The following ATG7 variants were observed in gnomAD, a reference collection of about 807,000 sequenced individuals.
The protein encoded by ATG7 is ubiquitin-like modifier-activating enzyme ATG7.
A neutral mutation model predicts 82.4 loss-of-function variants in ATG7; 70 were observed. That is an observed-to-expected ratio of 0.85 (90% CI 0.70 to 1.04). The LOEUF (loss-of-function observed/expected upper bound fraction) is 1.04. ATG7 is among the 50% of genes least tolerant of loss of function. The pLI, the probability that ATG7 is intolerant of heterozygous loss-of-function variation, is 0.00. For missense variants in ATG7, 792 were observed against 864.3 expected (o/e 0.92, Z 1.05); for synonymous variants, 287 against 313.0 (o/e 0.92, Z 0.88).
rs374089372 is a variant in ATG7 at position 11,381,746 on chromosome 3, A to G, written c.1956+1694A>G. Among the ~76,000 whole-genome samples the G allele has an allele frequency of 2.3e-4, 35 of 152,340 alleles. 1 individual carries two copies. The South Asian group carries it at 5.8e-3, about 25-fold the overall frequency. Reference sequence around the variant, plus strand: ...TGACTTGGATTTTAACAGCTGTGCTATTCCCATAGCGGTCACTTTTCATGT... The same window carrying G: ...TGACTTGGATTTTAACAGCTGTGCTGTTCCCATAGCGGTCACTTTTCATGT... On this transcript the variant is annotated intron_variant, in intron 19 of 20. Coordinates refer to ENST00000693202, the MANE Select transcript of ATG7 (RefSeq NM_001349232.2).
At position 11,327,312 on chromosome 3, in the gene ATG7, A is replaced by AT. The variant is rs571846481; in HGVS notation, c.679-4025dup. Among the ~76,000 whole-genome samples, 23 of 152,350 alleles carry AT rather than the reference A, an allele frequency of 1.5e-4. No homozygotes were observed. The South Asian group carries it at 4.8e-3, about 32-fold the overall frequency. On this transcript the variant is annotated intron_variant, in intron 9 of 20. Transcript: ENST00000693202. ...TATTTTAATTTTTCTACAGTCAGGAATTTCTTACAATTGTGTATATTTATG... is the reference window on the plus strand; with the variant it reads ...TATTTTAATTTTTCTACAGTCAGGAATTTTCTTACAATTGTGTATATTTATG...
intron 19 of ATG7, among the ~76,000 whole-genome samples, chr3:11,388,121 C>G (rs1036018980): frequency 6.6e-6 from 1 of 152,124 alleles, no homozygotes; most frequent in Non-Finnish European, 1.5e-5. Context: ...ATGAGAGTTG[C>G]AACCAGTCCC....
Position 11,333,020 on chromosome 3 carries a change from C to T in ATG7, c.816C>T (p.Thr272=). ...AAGTTGTTTGCTTCCGTGACCGTAC[C>T]ATGCAGGGGGCGAGAGACGTTGCCC... ...SVEVVCFRDR[T]MQGARDVAHS... The change falls in exon 11 of 21, where the codon ACC becomes ACT. Residue 272 remains threonine (T), a synonymous_variant. Transcript: ENST00000693202. The T allele has an allele frequency of 6.3e-7, 1 of 1,575,148 alleles. No individual in the cohort carries two copies. Among genetic ancestry groups the T allele is most frequent in the Non-Finnish European group, 8.6e-7 (1 of 1,159,900 alleles).
intron 19 of ATG7, among the ~76,000 whole-genome samples, chr3:11,403,505 A>G (rs991272157): frequency 2.0e-5 from 3 of 152,222 alleles, no homozygotes; most frequent in Non-Finnish European, 4.4e-5. Flanking sequence ...ATGAAAAGAC[A>G]TCATTTAAGA....
At chr3:11,379,798 C>A (rs2077738070) in intron 18 of ATG7, among the ~76,000 whole-genome samples, 174 bp from the exon 19 acceptor site, 1 of 152,206 alleles carries the variant, frequency 6.6e-6, no homozygotes, top group Non-Finnish European at 1.5e-5. Context: ...AGTTCTTCTG[C>A]AAACTGATTA....
intron 3 of ATG7, among the ~76,000 whole-genome samples, chr3:11,294,017 C>CAAAAAA (rs148344958): frequency 2.0e-5 from 2 of 98,442 alleles, no homozygotes; most frequent in Non-Finnish European, 4.1e-5. Context: ...GACTCCGTCT[C>CAAAAAA]AAAAAAAAAA....
Position 11,458,312 on chromosome 3 carries a change from G to T in ATG7, c.2079+31386G>T, listed in dbSNP as rs543436664. Among the ~76,000 whole-genome samples, 177 of 152,112 alleles carry T rather than the reference G, an allele frequency of 1.2e-3. 1 individual carries two copies. Among genetic ancestry groups the T allele is most frequent in the African/African-American group, 4.0e-3 (166 of 41,490 alleles). On this transcript the variant is annotated intron_variant, in intron 20 of 20. Coordinates refer to ENST00000693202, the MANE Select transcript of ATG7 (RefSeq NM_001349232.2). The stretch of plus-strand genomic sequence containing the variant: ...GGGGTCTTGCTGTGTTGCCCAGGAT[G>T]GAGTGCAGCGGCACCATCTCCGCTC...
chr3:11,472,173 A>G (rs1370794750), intron 20 of ATG7, among the ~76,000 whole-genome samples: 1 of 152,184 alleles, frequency 6.6e-6, no homozygotes, highest in East Asian at 1.9e-4. Flanking sequence ...ATTCATGGAG[A>G]GTTCTAATGT....
chr3:11,541,570 C>T (rs958951039), intron 20 of ATG7, among the ~76,000 whole-genome samples: 1 of 152,158 alleles, frequency 6.6e-6, no homozygotes, highest in Admixed American at 6.5e-5. Flanking sequence ...GGATCATGCC[C>T]CTCTCCTGAG....
intron 18 of ATG7, among the ~76,000 whole-genome samples, chr3:11,370,509 T>C (rs1178585494): frequency 6.6e-6 from 1 of 151,208 alleles, no homozygotes; most frequent in African/African-American, 2.4e-5. Context: ...GAGTTAGTTT[T>C]TATTTATGCG....
chr3:11,330,569 T>A (rs2152752213), intron 9 of ATG7, among the ~76,000 whole-genome samples: 1 of 152,328 alleles, frequency 6.6e-6, no homozygotes, highest in Non-Finnish European at 1.5e-5. Context: ...TCTTGTATTT[T>A]CCCTGCCTGA....
chr3:11,315,550 C>T, intron 9 of ATG7, 57 bp downstream of exon 9: 1 of 1,427,684 alleles, frequency 7.0e-7, no homozygotes. Flanking sequence ...ATCTGAAGTT[C>T]ATGTTACAAG....
intron 14 of ATG7, among the ~76,000 whole-genome samples, chr3:11,356,877 A>G (rs1163313885): frequency 6.6e-6 from 1 of 152,196 alleles, no homozygotes; most frequent in Non-Finnish European, 1.5e-5. Context: ...TAGTCTCATT[A>G]TTAAAATAGA....
At chr3:11,477,205 C>A in intron 20 of ATG7, 1 of 1,288,520 alleles carries the variant, frequency 7.8e-7, no homozygotes, top group East Asian at 5.6e-5. Flanking sequence ...AAGAATCAAG[C>A]ACTTCTGTGA....
chr3:11,468,705 G>T (rs1176674783), intron 20 of ATG7, among the ~76,000 whole-genome samples: 1 of 152,134 alleles, frequency 6.6e-6, no homozygotes, highest in Non-Finnish European at 1.5e-5. Flanking sequence ...AAATGCCTGT[G>T]GGACCACAGG....
chr3:11,458,582 C>T (rs189282509), intron 20 of ATG7, among the ~76,000 whole-genome samples: 2 of 152,324 alleles, frequency 1.3e-5, no homozygotes, highest in South Asian at 2.1e-4. Flanking sequence ...GTTTTACTTA[C>T]AGCCAGCTCA....
intron 19 of ATG7, among the ~76,000 whole-genome samples, chr3:11,414,792 G>A (rs977181002): frequency 6.6e-6 from 1 of 152,138 alleles, no homozygotes; most frequent in African/African-American, 2.4e-5. Flanking sequence ...TTTGTAAAAT[G>A]TTCTTTCTGC....
intron 18 of ATG7, among the ~76,000 whole-genome samples, chr3:11,376,414 C>G: frequency 6.6e-6 from 1 of 152,150 alleles, no homozygotes; most frequent in East Asian, 1.9e-4. Context: ...AAAAGGATTT[C>G]AGAGGGTAGA....
chr3:11,314,440 G>A (rs149203898), intron 8 of ATG7, among the ~76,000 whole-genome samples: 1 of 152,256 alleles, frequency 6.6e-6, no homozygotes, highest in Non-Finnish European at 1.5e-5. Flanking sequence ...CAAATCCGAG[G>A]TTGTGGTTTT....
Sources: gnomAD v4.1 joint callset for allele counts (sites outside exome capture counted in the v4.1 genomes callset) on GRCh38, gnomAD v4.1.1 for gene constraint, MANE v1.5 for transcripts, NCBI Gene and HGNC (gene_info 2026-07-23, HGNC 2026-07-21) for gene names.